Variants in ZNF678 observed in about 807,000 individuals in gnomAD.
ZNF678 encodes the protein zinc finger protein 678.
Under a neutral mutation model 3.0 loss-of-function variants are expected in ZNF678, and 5 were observed. The ratio of observed to expected loss-of-function variants is 1.69; its 90% confidence interval spans 0.88 to 3.56. The LOEUF (loss-of-function observed/expected upper bound fraction) is 3.56, where lower values mean the gene tolerates loss of function less well. Among genes scored for constraint, ZNF678 ranks in the 30% most tolerant of loss-of-function variants. The pLI, the probability that ZNF678 is intolerant of heterozygous loss-of-function variation, is 0.00. For synonymous variants in ZNF678, 218 were observed against 199.6 expected (o/e 1.09, Z -0.78); for missense variants, 593 against 605.0 (o/e 0.98, Z 0.21).
intron 1 of ZNF678, among the ~76,000 whole-genome samples, chr1:227,572,566 C>T (rs1319740155): frequency 2.6e-5 from 4 of 152,168 alleles, no homozygotes; most frequent in African/African-American, 9.7e-5. Context: ...GGCACCCAAT[C>T]CTAGCTCACA....
At chr1:227,614,553 C>T (rs1277532109) in intron 1 of ZNF678, among the ~76,000 whole-genome samples, 1 of 152,180 alleles carries the variant, frequency 6.6e-6, no homozygotes, top group African/African-American at 2.4e-5. Context: ...AATGGCAAAG[C>T]CTCCCTTCTA....
chr1:227,589,141 T>C (rs2102736115), intron 1 of ZNF678, among the ~76,000 whole-genome samples: 1 of 152,108 alleles, frequency 6.6e-6, no homozygotes. Flanking sequence ...GCTCTTTAGT[T>C]TAATTAGATC....
rs142233122 is a variant in ZNF678 at position 227,639,120 on chromosome 1, G to A, written c.-163-7424G>A. Among the ~76,000 whole-genome samples, 620 of 152,296 alleles carry A rather than the reference G, an allele frequency of 4.1e-3. 5 individuals carry two copies. Among genetic ancestry groups the A allele is most frequent in the African/African-American group, 0.014 (565 of 41,564 alleles). On this transcript the variant is annotated intron_variant, in intron 1 of 3. Coordinates refer to ENST00000343776, the MANE Select transcript of ZNF678 (RefSeq NM_001367909.1). Reference sequence around the variant, plus strand: ...GCTGGGGGCGGTCCTTGCTGGGGCCGCTCATAGTCCAACTTCCAGTGGGGT... The same window carrying A: ...GCTGGGGGCGGTCCTTGCTGGGGCCACTCATAGTCCAACTTCCAGTGGGGT...
chr1:227,571,673 T>C (rs1656845558), intron 1 of ZNF678, among the ~76,000 whole-genome samples: 1 of 152,202 alleles, frequency 6.6e-6, no homozygotes, highest in Non-Finnish European at 1.5e-5. Context: ...GTTTGTAGCT[T>C]TATTGCTGCT....
At position 227,638,733 on chromosome 1, in the gene ZNF678, G is replaced by A. The variant is rs1216633955; in HGVS notation, c.-163-7811G>A. 2.6e-5 allele frequency among the ~76,000 whole-genome samples: 4 copies of A among 152,124 alleles called. No individual in the cohort carries two copies. Among genetic ancestry groups the A allele is most frequent in the Non-Finnish European group, 4.4e-5 (3 of 68,028 alleles). Reference sequence around the variant, plus strand: ...TTTGAAAGGATGTCTCTGCTTAGGAGCAGAGTTGGGCATGAGGGCAGAACT... The same window carrying A: ...TTTGAAAGGATGTCTCTGCTTAGGAACAGAGTTGGGCATGAGGGCAGAACT... On this transcript the variant is annotated intron_variant, in intron 1 of 3. Coordinates refer to ENST00000343776, the MANE Select transcript of ZNF678 (RefSeq NM_001367909.1). The surrounding 1 kb of genome is among the most constrained non-coding windows in gnomAD (Gnocchi z 4.2).
At chr1:227,622,124 T>C (rs756271521) in intron 1 of ZNF678, among the ~76,000 whole-genome samples, 1 of 152,236 alleles carries the variant, frequency 6.6e-6, no homozygotes, top group Non-Finnish European at 1.5e-5. Context: ...GTCTGACATC[T>C]TTTAAGTTCC....
At chr1:227,568,680 G>C (rs1213218335) in intron 1 of ZNF678, among the ~76,000 whole-genome samples, 1 of 152,142 alleles carries the variant, frequency 6.6e-6, no homozygotes, top group Non-Finnish European at 1.5e-5. Context: ...TGCGGTTATG[G>C]GAGTCCCAGA....
chr1:227,589,435 G>C (rs921684488), intron 1 of ZNF678, among the ~76,000 whole-genome samples: 5 of 151,652 alleles, frequency 3.3e-5, no homozygotes, highest in African/African-American at 9.7e-5. Flanking sequence ...TGTTAGGTTT[G>C]TCGAGGATCA....
At position 227,599,091 on chromosome 1, in the gene ZNF678, G is replaced by A. The variant is rs1171629721; in HGVS notation, c.-164+35367G>A. 9 of 1,595,914 alleles carry A rather than the reference G, an allele frequency of 5.6e-6. No individual in the cohort carries two copies. In the South Asian group the frequency reaches 7.7e-5, roughly 14 times the overall value. Reference sequence around the variant, plus strand: ...ATTGTTGGCCCTGAAGACTGGATTGGACCCCTTGATCTCGCCATTGCTATT... The same window carrying A: ...ATTGTTGGCCCTGAAGACTGGATTGAACCCCTTGATCTCGCCATTGCTATT... On this transcript the variant is annotated intron_variant, in intron 1 of 3. Transcript: ENST00000343776.
intron 5 of ZNF678, among the ~76,000 whole-genome samples, chr1:227,675,268 G>A (rs980578563): frequency 6.6e-6 from 1 of 152,174 alleles, no homozygotes; most frequent in African/African-American, 2.4e-5. Context: ...AACACAGTGA[G>A]AAGGTGGCCA....
At chr1:227,568,268 C>T (rs992669295) in intron 1 of ZNF678, among the ~76,000 whole-genome samples, 2 of 152,060 alleles carry the variant, frequency 1.3e-5, no homozygotes, top group Admixed American at 1.3e-4. Flanking sequence ...AAAAAATTTG[C>T]CACCTCCAGC....
At chr1:227,672,699 C>G (rs1248545857) in intron 5 of ZNF678, among the ~76,000 whole-genome samples, 1 of 152,036 alleles carries the variant, frequency 6.6e-6, no homozygotes, top group Non-Finnish European at 1.5e-5. Context: ...GTGGGTCGGT[C>G]GGTCTAGGGA....
chr1:227,628,443 G>A (rs913906660), intron 1 of ZNF678, among the ~76,000 whole-genome samples: 34 of 152,160 alleles, frequency 2.2e-4, no homozygotes, highest in African/African-American at 7.7e-4. Context: ...CTGAGTTCCC[G>A]TAATTAGTGT....
At chr1:227,600,001 G>A (rs1171453033) in intron 1 of ZNF678, among the ~76,000 whole-genome samples, 2 of 152,094 alleles carry the variant, frequency 1.3e-5, no homozygotes, top group African/African-American at 4.8e-5. Flanking sequence ...CCCCATGTCT[G>A]TTGTTCCCTT....
At chr1:227,663,410 G>A (rs1005041353), downstream of ZNF678, among the ~76,000 whole-genome samples, 6 of 152,276 alleles carry the variant, frequency 3.9e-5, no homozygotes, top group African/African-American at 1.4e-4. Context: ...ATCAAGACAT[G>A]TAAGGTCAGA....
At position 227,623,209 on chromosome 1, in the gene ZNF678, T is replaced by C. The variant is rs377622065; in HGVS notation, c.-163-23335T>C. 5.9e-5 allele frequency among the ~76,000 whole-genome samples: 9 copies of C among 152,366 alleles called. 1 individual carries two copies. The highest frequency in any genetic ancestry group is 2.2e-4 in the African/African-American group (9 of 41,598). ...ACCACTATATTCCCAATACCAAGCA[T>C]AGTGATGCCCTTGGCAGGTGCTCAG... On this transcript the variant is annotated intron_variant, in intron 1 of 3. Coordinates refer to ENST00000343776, the MANE Select transcript of ZNF678 (RefSeq NM_001367909.1).
chr1:227,607,582 G>A (rs1339263949), intron 1 of ZNF678, among the ~76,000 whole-genome samples: 2 of 151,020 alleles, frequency 1.3e-5, no homozygotes, highest in Admixed American at 6.6e-5. Context: ...ATCATTTGAC[G>A]AATCAGTGGT....
intron 5 of ZNF678, among the ~76,000 whole-genome samples, chr1:227,671,720 C>A (rs1444584379): frequency 6.6e-6 from 1 of 152,152 alleles, no homozygotes; most frequent in Non-Finnish European, 1.5e-5. Context: ...TCCAATCTAC[C>A]TTTTCAAAGT....
At chr1:227,637,153 A>T (rs1302384175) in intron 1 of ZNF678, among the ~76,000 whole-genome samples, 1 of 152,148 alleles carries the variant, frequency 6.6e-6, no homozygotes, top group Non-Finnish European at 1.5e-5. Flanking sequence ...GGTTGGTCTT[A>T]GGTTTGGAAG....
Sources: allele counts gnomAD v4.1 joint callset (sites outside exome capture counted in the v4.1 genomes callset), GRCh38; gene constraint gnomAD v4.1.1; non-coding constraint Gnocchi (gnomAD v3.1); transcripts MANE v1.5; gene names NCBI Gene and HGNC (gene_info 2026-07-23, HGNC 2026-07-21).